Variants in CDH13 observed in about 807,000 individuals in gnomAD.
CDH13 encodes cadherin 13.
A neutral mutation model predicts 63.8 loss-of-function variants in CDH13; 24 were observed. The ratio of observed to expected loss-of-function variants is 0.38; its 90% CI spans 0.27 to 0.53. CDH13 has a LOEUF of 0.53. CDH13 is among the 20% of genes least tolerant of loss of function. The pLI, the probability that CDH13 is intolerant of heterozygous loss-of-function variation, is 0.85. For synonymous variants in CDH13, 503 were observed against 355.3 expected (o/e 1.42, Z -4.67); for missense variants, 1,049 against 903.1 (o/e 1.16, Z -2.07).
rs112062557 is a variant in CDH13 at position 83,215,599 on chromosome 16, C to T, written c.484-1746C>T. Among the ~76,000 whole-genome samples the T allele has an allele frequency of 4.4e-3, 666 of 150,734 alleles. 1 individual carries two copies. The highest frequency in any genetic ancestry group is 0.01 in the South Asian group (49 of 4,766). On this transcript the variant is annotated intron_variant, in intron 4 of 13. Coordinates refer to ENST00000567109, the MANE Select transcript of CDH13 (RefSeq NM_001257.5). ...GGCACCATTGCCACCTGGTGTCAGACATCGGAATTGCAGGCTTGGCGGCAG... is the reference window on the plus strand; with the variant it reads ...GGCACCATTGCCACCTGGTGTCAGATATCGGAATTGCAGGCTTGGCGGCAG...
intron 11 of CDH13, among the ~76,000 whole-genome samples, chr16:83,749,472 G>A (rs141909344): frequency 2.6e-4 from 39 of 152,250 alleles, no homozygotes; most frequent in African/African-American, 7.5e-4. Context: ...CAGGAGGTAA[G>A]AAAAGGAAAA....
rs183677406 is a variant in CDH13 at position 83,525,153 on chromosome 16, T to C, written c.960+38498T>C. 2.2e-4 allele frequency among the ~76,000 whole-genome samples: 34 copies of C among 152,300 alleles called. No homozygotes were observed. In the East Asian group the frequency reaches 5.8e-3, roughly 26 times the overall value. On this transcript the variant is annotated intron_variant, in intron 7 of 13. Coordinates refer to ENST00000567109, the MANE Select transcript of CDH13 (RefSeq NM_001257.5). ...CCCAGGGACAGACTCCAGTTGGCTC[T>C]ATCTGTGCCTCATGTCCATCCTTTG...
chr16:83,426,133 C>T (rs1215749661), intron 6 of CDH13, among the ~76,000 whole-genome samples: 1 of 152,066 alleles, frequency 6.6e-6, no homozygotes, highest in African/African-American at 2.4e-5. Context: ...TTCTTTCACC[C>T]TCTTTCATCC....
chr16:83,561,236 T>C (rs760670745), intron 7 of CDH13, among the ~76,000 whole-genome samples: 14 of 151,598 alleles, frequency 9.2e-5, no homozygotes, highest in Non-Finnish European at 1.9e-4. Context: ...CACCTGAGGT[T>C]GGGAGTTTGA....
intron 8 of CDH13, among the ~76,000 whole-genome samples, chr16:83,662,077 A>T (rs1913491260): frequency 1.3e-5 from 2 of 152,190 alleles, no homozygotes; most frequent in South Asian, 4.1e-4. Context: ...GGACATTAGT[A>T]TCAGTCCAGG....
chr16:82,777,598 C>T (rs2035556536), intron 1 of CDH13, among the ~76,000 whole-genome samples: 1 of 152,300 alleles, frequency 6.6e-6, no homozygotes, highest in Non-Finnish European at 1.5e-5. Context: ...CAAATCACCC[C>T]AAAACTTAGC....
At chr16:83,029,551 C>A (rs1487901662) in intron 2 of CDH13, among the ~76,000 whole-genome samples, 2 of 152,164 alleles carry the variant, frequency 1.3e-5, no homozygotes, top group East Asian at 1.9e-4. Flanking sequence ...TTAGAATAAA[C>A]TACCACAACT....
intron 3 of CDH13, among the ~76,000 whole-genome samples, chr16:83,088,261 A>T (rs1408196036): frequency 2.6e-5 from 4 of 152,104 alleles, no homozygotes; most frequent in Non-Finnish European, 5.9e-5. Context: ...TGTCTTGTTG[A>T]GTTTCATGGG....
chr16:83,668,142 C>A (rs1214738100), intron 8 of CDH13, among the ~76,000 whole-genome samples: 2 of 152,176 alleles, frequency 1.3e-5, no homozygotes, highest in Non-Finnish European at 2.9e-5. Flanking sequence ...GTCAACAAGT[C>A]AGTCCCTCTT....
intron 1 of CDH13, among the ~76,000 whole-genome samples, chr16:82,714,415 C>G (rs1265657979): frequency 6.6e-6 from 1 of 151,988 alleles, no homozygotes; most frequent in Non-Finnish European, 1.5e-5. Context: ...ACTGATGTCC[C>G]TGTAAGAAGA....
rs556479164 is a variant in CDH13, at chr16:83,441,032, A to T, written c.782-45445A>T. Among the ~76,000 whole-genome samples the T allele has an allele frequency of 5.3e-5, 8 of 152,350 alleles. No homozygotes were observed. The East Asian group carries it at 9.6e-4, about 18-fold the overall frequency. Reference sequence around the variant, plus strand: ...AACCAACTTTCTAATATATTTAAGGATGCTTGTCAAGATTTTATTATCTGT... The same window carrying T: ...AACCAACTTTCTAATATATTTAAGGTTGCTTGTCAAGATTTTATTATCTGT... On this transcript the variant is annotated intron_variant, in intron 6 of 13. Coordinates refer to ENST00000567109, the MANE Select transcript of CDH13 (RefSeq NM_001257.5).
chr16:83,438,719 C>T (rs898405867), intron 6 of CDH13, among the ~76,000 whole-genome samples: 1 of 152,184 alleles, frequency 6.6e-6, no homozygotes, highest in Non-Finnish European at 1.5e-5. Context: ...TTCTCCATTT[C>T]ACAATTATAA....
chr16:83,480,956 G>A (rs550608282), intron 6 of CDH13, among the ~76,000 whole-genome samples: 92 of 152,276 alleles, frequency 6.0e-4, no homozygotes, highest in African/African-American at 1.9e-3. Context: ...CACAAGTAAC[G>A]TTGTGCACTA....
intron 3 of CDH13, among the ~76,000 whole-genome samples, chr16:83,083,212 T>G (rs533912051): frequency 6.6e-6 from 1 of 152,370 alleles, no homozygotes; most frequent in Non-Finnish European, 1.5e-5. Flanking sequence ...TACAGCATCT[T>G]ACTTGATTCT....
At chr16:83,373,768 C>A (rs2091414216) in intron 6 of CDH13, among the ~76,000 whole-genome samples, 1 of 152,204 alleles carries the variant, frequency 6.6e-6, no homozygotes, top group South Asian at 2.1e-4. Context: ...TAAAATACTT[C>A]ACCTCCTTGA....
At chr16:82,944,593 G>T (rs1301523041) in intron 2 of CDH13, among the ~76,000 whole-genome samples, 2 of 152,206 alleles carry the variant, frequency 1.3e-5, no homozygotes, top group Non-Finnish European at 2.9e-5. Context: ...TGAAGGCCAG[G>T]GGTGGTGTTA....
At chr16:83,647,360 C>G (rs1911927783) in intron 8 of CDH13, among the ~76,000 whole-genome samples, 1 of 151,890 alleles carries the variant, frequency 6.6e-6, no homozygotes, top group Admixed American at 6.6e-5. Flanking sequence ...CTTACCCTAC[C>G]TGTAGGAAGT....
chr16:82,901,610 C>T (rs999207324), intron 2 of CDH13, among the ~76,000 whole-genome samples: 1 of 152,150 alleles, frequency 6.6e-6, no homozygotes, highest in South Asian at 2.1e-4. Context: ...ATAATAATTG[C>T]TCAATATATT....
intron 10 of CDH13, among the ~76,000 whole-genome samples, chr16:83,730,903 G>C (rs774285637): frequency 3.3e-5 from 5 of 151,960 alleles, no homozygotes; most frequent in Non-Finnish European, 7.3e-5. Context: ...TTAGAACTGA[G>C]AACATGCAGT....
Sources: gnomAD v4.1 joint callset for allele counts (sites outside exome capture counted in the v4.1 genomes callset) on GRCh38, gnomAD v4.1.1 for gene constraint, MANE v1.5 for transcripts, NCBI Gene and HGNC (gene_info 2026-07-23, HGNC 2026-07-21) for gene names.